SLC44A5: variants seen among roughly 807,000 people sequenced by gnomAD.
The protein encoded by SLC44A5 is solute carrier family 44 member 5.
SLC44A5 carries 57 observed loss-of-function variants against 101.8 expected under a neutral mutation model. That is an observed-to-expected ratio of 0.56 (90% CI 0.45 to 0.70). The LOEUF (loss-of-function observed/expected upper bound fraction) is 0.70. Among genes scored for constraint, SLC44A5 ranks in the 30% least tolerant of loss-of-function variants. SLC44A5 has a pLI of 0.00. For missense variants in SLC44A5, 737 were observed against 853.1 expected (o/e 0.86, Z 1.70); for synonymous variants, 281 against 290.9 (o/e 0.97, Z 0.35).
intron 2 of SLC44A5, chr1:75,398,338 A>G: frequency 1.0e-6 from 1 of 982,032 alleles, no homozygotes. Flanking sequence ...TCAGCTATAT[A>G]AACTAGTAAA....
At chr1:75,634,516 A>G in the SLC44A5 span, among the ~76,000 whole-genome samples, 1 of 151,324 alleles carries the variant, frequency 6.6e-6, no homozygotes, top group Non-Finnish European at 1.5e-5. Context: ...CCGCATATCT[A>G]CAACTATCTG....
At chr1:75,384,517 T>C (rs1237014406) in intron 3 of SLC44A5, among the ~76,000 whole-genome samples, 1 of 107,280 alleles carries the variant, frequency 9.3e-6, no homozygotes. Flanking sequence ...CTATCCTAAA[T>C]ATATATGCAC....
intron 3 of SLC44A5, among the ~76,000 whole-genome samples, chr1:75,361,009 T>A (rs556180215): frequency 6.6e-6 from 1 of 152,298 alleles, no homozygotes; most frequent in African/African-American, 2.4e-5. Context: ...GTTTTTGGTA[T>A]ACAAATATTT....
At chr1:75,486,451 A>T (rs79489987) in intron 2 of SLC44A5, among the ~76,000 whole-genome samples, 25,167 of 152,220 alleles carry the variant, frequency 0.17, 2,497 homozygotes, top group African/African-American at 0.27. Context: ...TTTTACTCTT[A>T]TTCTATTAAT....
intron 2 of SLC44A5, among the ~76,000 whole-genome samples, chr1:75,414,312 TAC>T (rs1663484275): frequency 8.1e-6 from 1 of 123,812 alleles, no homozygotes; most frequent in African/African-American, 3.2e-5. Flanking sequence ...CATACATACA[TAC>T]ATATCCACAT....
At chr1:75,586,027 C>T (rs1032143602) in intron 1 of SLC44A5, among the ~76,000 whole-genome samples, 1 of 152,096 alleles carries the variant, frequency 6.6e-6, no homozygotes, top group Non-Finnish European at 1.5e-5. Flanking sequence ...CCACAGAGTG[C>T]CCAGACACTT....
the SLC44A5 span, among the ~76,000 whole-genome samples, chr1:75,664,331 G>T: frequency 5.9e-5 from 9 of 152,030 alleles, no homozygotes; most frequent in African/African-American, 2.2e-4. Flanking sequence ...GCAAGAAAAA[G>T]AAATAAAAGG....
At chr1:75,283,332 T>G (rs1416789926) in intron 5 of SLC44A5, among the ~76,000 whole-genome samples, 1 of 152,130 alleles carries the variant, frequency 6.6e-6, no homozygotes, top group Non-Finnish European at 1.5e-5. Context: ...TTTGCCCACT[T>G]TTTGATCAGA....
At chr1:75,536,269 G>T (rs184278892) in intron 2 of SLC44A5, among the ~76,000 whole-genome samples, 343 of 152,056 alleles carry the variant, frequency 2.3e-3, no homozygotes, top group Non-Finnish European at 3.9e-3. Flanking sequence ...GAGTCCTGAG[G>T]ATTACATAAA....
intron 3 of SLC44A5, among the ~76,000 whole-genome samples, chr1:75,377,157 T>C (rs1660688801): frequency 6.6e-6 from 1 of 150,788 alleles, no homozygotes; most frequent in Admixed American, 6.6e-5. Flanking sequence ...GGAGACTCCA[T>C]TTTGTTATGT....
intron 2 of SLC44A5, among the ~76,000 whole-genome samples, chr1:75,488,388 A>G (rs192256379): frequency 2.6e-5 from 4 of 152,288 alleles, no homozygotes; most frequent in Non-Finnish European, 5.9e-5. Context: ...TTGGAACACA[A>G]TGCTAAGTAT....
chr1:75,697,844 C>T, the SLC44A5 span, among the ~76,000 whole-genome samples: 4,861 of 152,246 alleles, frequency 0.032, 256 homozygotes, highest in African/African-American at 0.11. Context: ...ACTCAGGAAG[C>T]GCAAGGGGTC....
chr1:75,421,873 GAA>G (rs796931282), intron 2 of SLC44A5, among the ~76,000 whole-genome samples: 5 of 139,264 alleles, frequency 3.6e-5, no homozygotes, highest in African/African-American at 1.3e-4. Context: ...TTACTTTTTT[GAA>G]AAAAAAAAAA....
intron 1 of SLC44A5, among the ~76,000 whole-genome samples, chr1:75,588,511 T>C (rs1347529442): frequency 6.6e-6 from 1 of 152,084 alleles, no homozygotes; most frequent in Non-Finnish European, 1.5e-5. Context: ...AACACATATC[T>C]GCCCGATCCG....
intron 4 of SLC44A5, among the ~76,000 whole-genome samples, chr1:75,302,425 C>G (rs1654562556): frequency 6.6e-6 from 1 of 151,880 alleles, no homozygotes; most frequent in African/African-American, 2.4e-5. Context: ...GCCAGGGTGG[C>G]CTGCCATCCC....
chr1:75,456,131 G>A (rs1025171903), intron 2 of SLC44A5, among the ~76,000 whole-genome samples: 3 of 152,080 alleles, frequency 2.0e-5, no homozygotes, highest in African/African-American at 7.2e-5. Flanking sequence ...ACAATGGATT[G>A]GACAAGGAAA....
chr1:75,564,821 C>T (rs1366405796), intron 1 of SLC44A5, among the ~76,000 whole-genome samples: 2 of 151,896 alleles, frequency 1.3e-5, no homozygotes, highest in Non-Finnish European at 2.9e-5. Context: ...ATGGGGTTTC[C>T]CCGTGTTAGC....
chr1:75,483,414 T>A (rs1444934698), intron 2 of SLC44A5, among the ~76,000 whole-genome samples: 3 of 152,152 alleles, frequency 2.0e-5, no homozygotes, highest in Non-Finnish European at 4.4e-5. Context: ...ATTTAGGTAT[T>A]AAAAAGTCCT....
intron 3 of SLC44A5, among the ~76,000 whole-genome samples, chr1:75,371,136 C>G (rs1660195487): frequency 6.6e-6 from 1 of 152,224 alleles, no homozygotes; most frequent in African/African-American, 2.4e-5. Flanking sequence ...CTCTCCATCT[C>G]TTTACGTGCA....
Sources: gnomAD v4.1 joint callset for allele counts (sites outside exome capture counted in the v4.1 genomes callset) on GRCh38, gnomAD v4.1.1 for gene constraint, MANE v1.5 for transcripts, NCBI Gene and HGNC (gene_info 2026-07-23, HGNC 2026-07-21) for gene names.